Variants in ACTR3C observed in about 807,000 individuals in gnomAD.
ACTR3C encodes actin-related protein 3C.
ACTR3C carries 18 observed loss-of-function variants against 26.3 expected under a neutral mutation model. The observed-to-expected ratio is 0.68, with a 90% CI of 0.47 to 1.01. The LOEUF (loss-of-function observed/expected upper bound fraction) is 1.01. Among genes scored for constraint, ACTR3C ranks in the 50% least tolerant of loss-of-function variants. The pLI is 0.00. For missense variants in ACTR3C, 184 were observed against 250.7 expected (o/e 0.73, Z 1.80); for synonymous variants, 55 against 94.5 (o/e 0.58, Z 2.42).
chr7:150,113,740 T>G, the ACTR3C span, among the ~76,000 whole-genome samples: 4 of 152,194 alleles, frequency 2.6e-5, no homozygotes, highest in Non-Finnish European at 4.4e-5. Context: ...TCTCGACAAA[T>G]TTTTAAATGC....
the ACTR3C span, among the ~76,000 whole-genome samples, chr7:150,221,206 G>C: frequency 6.6e-6 from 1 of 152,276 alleles, no homozygotes; most frequent in Non-Finnish European, 1.5e-5. Context: ...GCGGTATTTG[G>C]GGAAGGGCAA....
the ACTR3C span, among the ~76,000 whole-genome samples, chr7:150,121,690 T>A: frequency 1.3e-5 from 2 of 149,916 alleles, no homozygotes; most frequent in Admixed American, 1.3e-4. Context: ...GCCATCCCCA[T>A]CAAGCTACCA....
the ACTR3C span, among the ~76,000 whole-genome samples, chr7:149,996,141 G>A: frequency 1.3e-5 from 2 of 152,260 alleles, no homozygotes; most frequent in African/African-American, 4.8e-5. Flanking sequence ...AGGGGACGTG[G>A]GGAGCATCTG....
the ACTR3C span, among the ~76,000 whole-genome samples, chr7:149,908,966 G>C: frequency 6.6e-6 from 1 of 151,850 alleles, no homozygotes; most frequent in Non-Finnish European, 1.5e-5. Flanking sequence ...ATTTTTGATA[G>C]AGACGGGGTT....
chr7:149,922,969 G>GATT, the ACTR3C span, among the ~76,000 whole-genome samples: 1 of 23,106 alleles, frequency 4.3e-5, no homozygotes, highest in Non-Finnish European at 9.7e-5. Context: ...GAAATAAAAG[G>GATT]CTTTTTTTTT....
chr7:150,172,045 C>T, the ACTR3C span, among the ~76,000 whole-genome samples: 6 of 150,738 alleles, frequency 4.0e-5, no homozygotes, highest in African/African-American at 5.0e-5. Flanking sequence ...CTCCTGACCT[C>T]GTGATCCGCC....
chr7:150,082,629 A>G, the ACTR3C span, among the ~76,000 whole-genome samples: 1 of 152,170 alleles, frequency 6.6e-6, no homozygotes, highest in Non-Finnish European at 1.5e-5. Context: ...TATGCATAAT[A>G]ATGACAGGGC....
At chr7:150,148,568 A>G in the ACTR3C span, among the ~76,000 whole-genome samples, 4 of 152,206 alleles carry the variant, frequency 2.6e-5, no homozygotes, top group African/African-American at 2.4e-5. Context: ...GCCTAAACTC[A>G]GTGTTTATTA....
At chr7:150,150,459 T>C in the ACTR3C span, among the ~76,000 whole-genome samples, 1 of 151,498 alleles carries the variant, frequency 6.6e-6, no homozygotes, top group African/African-American at 2.4e-5. Flanking sequence ...TAGTGTCAAA[T>C]CTCATTTCTC....
chr7:149,896,146 C>G, the ACTR3C span, among the ~76,000 whole-genome samples: 1 of 152,152 alleles, frequency 6.6e-6, no homozygotes, highest in African/African-American at 2.4e-5. Context: ...GATCACGCCA[C>G]CACACTCCAG....
chr7:150,194,139 C>T, the ACTR3C span, among the ~76,000 whole-genome samples: 5,687 of 149,396 alleles, frequency 0.038, 333 homozygotes, highest in African/African-American at 0.13. Flanking sequence ...TCGTTAGGTG[C>T]ACGCATACAT....
At chr7:150,278,970 T>G (rs138142449) in intron 6 of ACTR3C, among the ~76,000 whole-genome samples, 52 of 152,356 alleles carry the variant, frequency 3.4e-4, no homozygotes, top group African/African-American at 1.2e-3. Flanking sequence ...ATTTTCTCTC[T>G]TCAAATACTA....
the ACTR3C span, among the ~76,000 whole-genome samples, chr7:150,080,403 C>T: frequency 4.6e-5 from 7 of 151,278 alleles, no homozygotes; most frequent in African/African-American, 1.5e-4. Context: ...TGCTCTATCA[C>T]GCTTTTATCT....
At chr7:149,992,868 G>T in the ACTR3C span, among the ~76,000 whole-genome samples, 5 of 152,162 alleles carry the variant, frequency 3.3e-5, no homozygotes, top group Admixed American at 6.5e-5. Flanking sequence ...CTCAGTCCAA[G>T]TCCAAAAGCC....
At chr7:150,198,753 G>T in the ACTR3C span, among the ~76,000 whole-genome samples, 6 of 76,432 alleles carry the variant, frequency 7.9e-5, no homozygotes, top group African/African-American at 2.6e-4. Context: ...GGAGGGAGGT[G>T]GGGGGGGGTC....
At chr7:149,992,502 T>C in the ACTR3C span, among the ~76,000 whole-genome samples, 47 of 152,340 alleles carry the variant, frequency 3.1e-4, no homozygotes, top group African/African-American at 1.1e-3. Flanking sequence ...GCAAAATTTC[T>C]CCAGGTCTAG....
chr7:150,201,408 A>T, the ACTR3C span, among the ~76,000 whole-genome samples: 1 of 152,242 alleles, frequency 6.6e-6, no homozygotes, highest in Non-Finnish European at 1.5e-5. Context: ...CCAGAATGAG[A>T]CATCAATGTT....
chr7:150,160,741 C>A, the ACTR3C span, among the ~76,000 whole-genome samples: 142 of 150,266 alleles, frequency 9.4e-4, no homozygotes, highest in African/African-American at 3.4e-3. Context: ...TTGAGTCTCA[C>A]ACCCACTCTA....
chr7:150,190,540 T>C, the ACTR3C span, among the ~76,000 whole-genome samples: 7 of 152,212 alleles, frequency 4.6e-5, no homozygotes, highest in Admixed American at 3.9e-4. Context: ...AGTATTTCTA[T>C]GGGTGGGCAT....
Sources: gnomAD v4.1 joint callset for allele counts (sites outside exome capture counted in the v4.1 genomes callset) on GRCh38, gnomAD v4.1.1 for gene constraint, MANE v1.5 for transcripts, NCBI Gene and HGNC (gene_info 2026-07-23, HGNC 2026-07-21) for gene names.